Variants in PRELID2 observed in about 807,000 individuals in gnomAD.
The protein encoded by PRELID2 is PRELI domain-containing protein 2.
A neutral mutation model predicts 28.4 loss-of-function variants in PRELID2; 25 were observed. The observed-to-expected ratio is 0.88, with a 90% CI of 0.64 to 1.23. PRELID2 has a LOEUF of 1.23. Among genes scored for constraint, PRELID2 ranks in the 50% most tolerant of loss-of-function variants. The probability of loss-of-function intolerance (pLI) is 0.00; values close to 1 mark genes in which losing one functional copy is unlikely to be tolerated. For missense variants in PRELID2, 201 were observed against 214.4 expected (o/e 0.94, Z 0.39); for synonymous variants, 76 against 71.6 (o/e 1.06, Z -0.31).
intron 1 of PRELID2, among the ~76,000 whole-genome samples, chr5:145,607,812 A>G (rs1753526147): frequency 6.6e-6 from 1 of 152,112 alleles, no homozygotes; most frequent in African/African-American, 2.4e-5. Flanking sequence ...GTTTTCTGCT[A>G]CGATGATTTG....
chr5:145,347,208 C>T, the PRELID2 span, among the ~76,000 whole-genome samples: 6 of 152,104 alleles, frequency 3.9e-5, no homozygotes, highest in South Asian at 2.1e-4. Flanking sequence ...CCACTAGTGG[C>T]GAAGCTAGAT....
At chr5:145,529,161 T>C (rs1192740507) in intron 1 of PRELID2, among the ~76,000 whole-genome samples, 1 of 152,224 alleles carries the variant, frequency 6.6e-6, no homozygotes, top group Admixed American at 6.5e-5. Flanking sequence ...TTGCAAATAC[T>C]GCCTTGTTCA....
At position 145,596,099 on chromosome 5, in the gene PRELID2, C is replaced by CAAAAA. The variant is rs552746530; in HGVS notation, n.71-122789_71-122785dup. ...TGGGTGACAGAGTGAGAGCCTGTCT[C>CAAAAA]AAAAAAAAAAAAAAAAAAAAGTCTG... On this transcript the variant is annotated intron_variant and non_coding_transcript_variant, in intron 1 of 2. Coordinates refer to the PRELID2 transcript ENST00000510259. 1.8e-3 allele frequency among the ~76,000 whole-genome samples: 81 copies of CAAAAA among 43,960 alleles called. 1 individual carries two copies. Among genetic ancestry groups the CAAAAA allele is most frequent in the African/African-American group, 6.9e-3 (72 of 10,394 alleles). The allele number at this position is 43,960 out of a possible 152,430, so 28.8% of individuals were successfully genotyped here.
At chr5:145,658,232 G>A (rs1355795997) in intron 1 of PRELID2, among the ~76,000 whole-genome samples, 1 of 152,216 alleles carries the variant, frequency 6.6e-6, no homozygotes, top group Non-Finnish European at 1.5e-5. Flanking sequence ...AGGAAGAAGA[G>A]TGAAAGCAAA....
downstream of PRELID2, among the ~76,000 whole-genome samples, chr5:145,468,100 T>C (rs370437869): frequency 2.1e-4 from 32 of 152,246 alleles, 2 homozygotes; most frequent in South Asian, 6.0e-3. Flanking sequence ...CAGTGTGTGA[T>C]GTTCCCCTTC....
chr5:145,249,287 T>C, the PRELID2 span, among the ~76,000 whole-genome samples: 1 of 152,326 alleles, frequency 6.6e-6, no homozygotes, highest in South Asian at 2.1e-4. Context: ...TCATTTTTTC[T>C]ATGCTTCTGC....
At chr5:145,392,733 G>T in the PRELID2 span, among the ~76,000 whole-genome samples, 1 of 151,202 alleles carries the variant, frequency 6.6e-6, no homozygotes, top group African/African-American at 2.4e-5. Context: ...AAGGAAGAAA[G>T]GAAGGAAGGA....
At chr5:145,575,883 C>T (rs1753056317) in intron 1 of PRELID2, among the ~76,000 whole-genome samples, 1 of 152,076 alleles carries the variant, frequency 6.6e-6, no homozygotes, top group Admixed American at 6.6e-5. Context: ...CTCAAAGCTC[C>T]AGCTGTCCTG....
intron 1 of PRELID2, among the ~76,000 whole-genome samples, chr5:145,731,643 T>C (rs563571591): frequency 3.3e-5 from 5 of 152,224 alleles, no homozygotes; most frequent in Non-Finnish European, 5.9e-5. Flanking sequence ...CCTCACTACT[T>C]TTGAAATTAT....
the PRELID2 span, among the ~76,000 whole-genome samples, chr5:145,299,493 C>T: frequency 2.0e-5 from 3 of 151,988 alleles, no homozygotes; most frequent in Admixed American, 1.3e-4. Context: ...CTTTGATTTT[C>T]CTCATTCCAT....
At chr5:145,787,681 A>G (rs2149804398) in intron 5 of PRELID2, among the ~76,000 whole-genome samples, 1 of 152,020 alleles carries the variant, frequency 6.6e-6, no homozygotes, top group Admixed American at 6.5e-5. Flanking sequence ...CTGGGATTAT[A>G]GGCATGCAAC....
intron 1 of PRELID2, among the ~76,000 whole-genome samples, chr5:145,721,286 A>AGATTCCAT (rs1237011208): frequency 1.3e-5 from 2 of 152,148 alleles, no homozygotes; most frequent in East Asian, 3.9e-4. Flanking sequence ...TTGATCTCAC[A>AGATTCCAT]GATTCCATGA....
intron 5 of PRELID2, among the ~76,000 whole-genome samples, chr5:145,784,230 G>A (rs1751837176): frequency 1.5e-5 from 1 of 68,724 alleles, no homozygotes; most frequent in Non-Finnish European, 3.6e-5. Flanking sequence ...GTTGTGGTGA[G>A]CTTAAAAAAA....
Position 145,690,018 on chromosome 5 carries a change from C to A in PRELID2, n.70+74913G>T, listed in dbSNP as rs1755114877. 8.9e-5 allele frequency among the ~76,000 whole-genome samples: 11 copies of A among 123,428 alleles called. No individual in the cohort carries two copies. In the South Asian group the frequency reaches 2.4e-3, roughly 27 times the overall value. The allele number at this position is 123,428 out of a possible 152,430, so 81.0% of individuals were successfully genotyped here. A position where few individuals can be genotyped will look rare whatever the true frequency, so the allele number is the denominator to read the frequency against. ...TTTTTTTTTTTTTTTGAGACAAAGT[C>A]TAGCTTCATGGCCCAGGCTGGAGTG... On this transcript the variant is annotated intron_variant and non_coding_transcript_variant, in intron 1 of 2. Coordinates refer to the PRELID2 transcript ENST00000510259.
At chr5:145,503,454 T>C (rs1699049556) in intron 1 of PRELID2, among the ~76,000 whole-genome samples, 1 of 152,216 alleles carries the variant, frequency 6.6e-6, no homozygotes, top group Non-Finnish European at 1.5e-5. Flanking sequence ...ATAGTCATGA[T>C]AATACGAGCT....
chr5:145,762,461 C>G (rs1757520752), intron 6 of PRELID2, among the ~76,000 whole-genome samples: 1 of 152,022 alleles, frequency 6.6e-6, no homozygotes, highest in African/African-American at 2.4e-5. Context: ...TGCTTGAACC[C>G]CAGAGGTCAA....
the PRELID2 span, among the ~76,000 whole-genome samples, chr5:145,363,958 C>G: frequency 6.6e-6 from 1 of 151,898 alleles, no homozygotes; most frequent in Non-Finnish European, 1.5e-5. Flanking sequence ...TCTTCTTTGG[C>G]TGATTGTACG....
chr5:145,644,415 TAG>T (rs1754161989), intron 1 of PRELID2, among the ~76,000 whole-genome samples: 1 of 152,132 alleles, frequency 6.6e-6, no homozygotes, highest in Non-Finnish European at 1.5e-5. Context: ...TCTTCTTTAT[TAG>T]TCTGGCTAGC....
chr5:145,496,741 C>T (rs895830859), intron 1 of PRELID2, among the ~76,000 whole-genome samples: 1 of 152,140 alleles, frequency 6.6e-6, no homozygotes, highest in African/African-American at 2.4e-5. Flanking sequence ...AGTGCCAAAC[C>T]TACCTCGTGG....
Sources: gnomAD v4.1 joint callset for allele counts (sites outside exome capture counted in the v4.1 genomes callset) on GRCh38, gnomAD v4.1.1 for gene constraint, MANE v1.5 for transcripts, NCBI Gene and HGNC (gene_info 2026-07-23, HGNC 2026-07-21) for gene names.